Variants in NLGN4X observed in about 807,000 individuals in gnomAD.
The protein encoded by NLGN4X is neuroligin 4 X-linked, also known as neuroligin-4, X-linked.
A neutral mutation model predicts 40.3 loss-of-function variants in NLGN4X; 3 were observed. That is an observed-to-expected ratio of 0.07 (90% CI 0.03 to 0.19). NLGN4X has a LOEUF of 0.19. Ranked by LOEUF, NLGN4X falls within the 10% of genes least tolerant of loss-of-function variation. The pLI is 1.00. For missense variants in NLGN4X, 382 were observed against 708.3 expected (o/e 0.54, Z 5.23); for synonymous variants, 270 against 306.8 (o/e 0.88, Z 1.25).
intron 1 of NLGN4X, among the ~76,000 whole-genome samples, chrX:6,178,771 T>C (rs1482846241): frequency 9.0e-6 from 1 of 111,549 alleles, no homozygotes; most frequent in Non-Finnish European, 1.9e-5. Context: ...GCATGAGAAA[T>C]ATAGTTCTTT....
chrX:5,962,672 C>T (rs1487812811), intron 3 of NLGN4X, among the ~76,000 whole-genome samples: 1 of 111,875 alleles, frequency 8.9e-6, no homozygotes, highest in African/African-American at 3.3e-5. Flanking sequence ...TCCCTTCCCC[C>T]AGGAGATGGT....
At chrX:5,991,591 A>G (rs2035687197) in intron 3 of NLGN4X, 1 of 476,505 alleles carries the variant, frequency 2.1e-6, no homozygotes, top group Non-Finnish European at 3.9e-6. Context: ...ACGAGGAAAT[A>G]AGGCCCCTTT....
chrX:6,188,364 A>C (rs1165768090), intron 1 of NLGN4X, among the ~76,000 whole-genome samples: 1 of 112,056 alleles, frequency 8.9e-6, no homozygotes, highest in Non-Finnish European at 1.9e-5. Flanking sequence ...CTTTTTTAGC[A>C]ATTACTCTTC....
At chrX:5,911,872 A>G (rs2032492384) in intron 3 of NLGN4X, among the ~76,000 whole-genome samples, 1 of 111,832 alleles carries the variant, frequency 8.9e-6, no homozygotes, top group Admixed American at 9.5e-5. Context: ...TAACTTTGGG[A>G]GAAATTGAAC....
intron 3 of NLGN4X, among the ~76,000 whole-genome samples, chrX:6,016,936 G>C (rs1305513485): frequency 5.4e-5 from 6 of 111,798 alleles, no homozygotes; most frequent in Non-Finnish European, 9.4e-5. Context: ...TAGACAGGTA[G>C]ATAGTTAGTG....
intron 3 of NLGN4X, among the ~76,000 whole-genome samples, chrX:5,968,167 G>A (rs73442146): frequency 0.24 from 26,147 of 108,445 alleles, 2,568 homozygotes; most frequent in African/African-American, 0.35. Flanking sequence ...GGAGAAATCC[G>A]TAATGCAATA....
At chrX:6,221,965 A>G (rs1448134584) in intron 1 of NLGN4X, among the ~76,000 whole-genome samples, 10 of 111,974 alleles carry the variant, frequency 8.9e-5, no homozygotes, top group African/African-American at 2.9e-4. Flanking sequence ...TCTGCACTTT[A>G]CAAAAACAAA....
intron 3 of NLGN4X, among the ~76,000 whole-genome samples, chrX:6,020,714 A>G (rs1438468942): frequency 8.9e-6 from 1 of 112,088 alleles, no homozygotes; most frequent in African/African-American, 3.2e-5. Flanking sequence ...TGATCAATAT[A>G]TTCAATTTTT....
chrX:6,042,040 T>C (rs888448078), intron 2 of NLGN4X, among the ~76,000 whole-genome samples: 32 of 112,379 alleles, frequency 2.8e-4, no homozygotes, highest in African/African-American at 9.7e-4. Context: ...CTGCCATTTG[T>C]CATTTCAAAA....
chrX:6,037,901 G>A (rs2037060739), intron 2 of NLGN4X, among the ~76,000 whole-genome samples: 1 of 111,686 alleles, frequency 9.0e-6, no homozygotes, highest in Admixed American at 9.5e-5. Context: ...GCAAGGAAGT[G>A]ACTGGTATGT....
intron 3 of NLGN4X, among the ~76,000 whole-genome samples, chrX:5,979,749 T>C (rs1297363101): frequency 3.0e-5 from 3 of 100,192 alleles, no homozygotes; most frequent in African/African-American, 1.3e-4. Context: ...CACACATACA[T>C]ATATATGTGT....
intron 3 of NLGN4X, among the ~76,000 whole-genome samples, chrX:5,921,752 C>T (rs1219217558): frequency 1.8e-5 from 2 of 111,957 alleles, no homozygotes; most frequent in Non-Finnish European, 3.8e-5. Context: ...TATTTCTATG[C>T]ATATTCAGGA....
At chrX:6,162,931 C>T (rs1429338551) in intron 1 of NLGN4X, among the ~76,000 whole-genome samples, 2 of 111,770 alleles carry the variant, frequency 1.8e-5, no homozygotes, top group Non-Finnish European at 1.9e-5. Flanking sequence ...ATTGTAGCTC[C>T]CATAATTCCC....
At chrX:6,012,463 T>C (rs1003774908) in intron 3 of NLGN4X, among the ~76,000 whole-genome samples, 2 of 111,868 alleles carry the variant, frequency 1.8e-5, no homozygotes, top group African/African-American at 6.5e-5. Context: ...CCTGAATACA[T>C]TGGTTGTACA....
At chrX:6,044,765 G>C (rs1383202968) in intron 2 of NLGN4X, among the ~76,000 whole-genome samples, 1 of 111,623 alleles carries the variant, frequency 9.0e-6, no homozygotes, top group Non-Finnish European at 1.9e-5. Context: ...TGGGGGCAGG[G>C]GATATATGAG....
At chrX:6,111,377 T>C (rs2369485) in intron 2 of NLGN4X, among the ~76,000 whole-genome samples, 4,458 of 111,009 alleles carry the variant, frequency 0.04, 237 homozygotes, top group African/African-American at 0.14. Flanking sequence ...TTTGGGGGAA[T>C]GGGCCCTCAC....
intron 2 of NLGN4X, among the ~76,000 whole-genome samples, chrX:6,133,373 A>G (rs967980742): frequency 8.9e-5 from 10 of 112,081 alleles, no homozygotes; most frequent in African/African-American, 3.2e-4. Context: ...TCCTTGTTGC[A>G]CACACACCTC....
chrX:5,901,700 AAT>A (rs1432395826), intron 5 of NLGN4X, among the ~76,000 whole-genome samples: 1 of 110,046 alleles, frequency 9.1e-6, no homozygotes, highest in Non-Finnish European at 1.9e-5. Flanking sequence ...GACATATAGC[AAT>A]ATGATACAAA....
chrX:6,163,516 G>T (rs1270619493), intron 1 of NLGN4X, among the ~76,000 whole-genome samples: 1 of 111,991 alleles, frequency 8.9e-6, no homozygotes, highest in Non-Finnish European at 1.9e-5. Flanking sequence ...GTGCTCCATT[G>T]CTTTTCAATT....
Sources: allele counts gnomAD v4.1 joint callset (sites outside exome capture counted in the v4.1 genomes callset), GRCh38; gene constraint gnomAD v4.1.1; transcripts MANE v1.5; gene names NCBI Gene and HGNC (gene_info 2026-07-23, HGNC 2026-07-21).